DGKB: variants seen among roughly 807,000 people sequenced by gnomAD.
DGKB encodes the protein diacylglycerol kinase beta, also known as 90 kDa diacylglycerol kinase.
DGKB carries 67 observed loss-of-function variants against 114.3 expected under a neutral mutation model. That is an observed-to-expected ratio of 0.59 (90% CI 0.48 to 0.72). The LOEUF (loss-of-function observed/expected upper bound fraction) is 0.72. DGKB is among the 30% of genes least tolerant of loss of function. The probability of loss-of-function intolerance (pLI) is 0.00; values close to 1 mark genes in which losing one functional copy is unlikely to be tolerated. For missense variants in DGKB, 907 were observed against 975.2 expected, an observed-to-expected ratio of 0.93 and a Z score of 0.93; for synonymous variants, 398 against 323.1, an observed-to-expected ratio of 1.23 and a Z score of -2.49.
intron 23 of DGKB, among the ~76,000 whole-genome samples, chr7:14,241,965 C>T (rs754418200): frequency 0.1 from 14,194 of 140,672 alleles, 700 homozygotes; most frequent in African/African-American, 0.13. Flanking sequence ...TATACACACA[C>T]ACACACACAC....
At chr7:14,457,106 T>G (rs1242304191) in intron 21 of DGKB, among the ~76,000 whole-genome samples, 3 of 152,158 alleles carry the variant, frequency 2.0e-5, no homozygotes, top group Non-Finnish European at 4.4e-5. Flanking sequence ...TCAAATAAAG[T>G]CTTCAGTCAC....
At chr7:14,966,160 C>T (rs1192321299) in intron 1 of DGKB, among the ~76,000 whole-genome samples, 1 of 152,052 alleles carries the variant, frequency 6.6e-6, no homozygotes, top group Non-Finnish European at 1.5e-5. Flanking sequence ...TCCATGCTAA[C>T]AATTTCCTTC....
intron 17 of DGKB, among the ~76,000 whole-genome samples, chr7:14,590,754 T>C (rs901567859): frequency 6.6e-6 from 1 of 152,154 alleles, no homozygotes; most frequent in African/African-American, 2.4e-5. Flanking sequence ...ACGTGGTTTG[T>C]TGGGCTCTTT....
intron 20 of DGKB, among the ~76,000 whole-genome samples, chr7:14,480,513 C>G (rs1475163421): frequency 2.0e-5 from 3 of 152,078 alleles, no homozygotes; most frequent in African/African-American, 7.2e-5. Flanking sequence ...CTGCCAAAAT[C>G]TGCAACACTA....
intron 9 of DGKB, among the ~76,000 whole-genome samples, chr7:14,688,327 A>C (rs2128982531): frequency 6.6e-6 from 1 of 152,312 alleles, no homozygotes; most frequent in Admixed American, 6.5e-5. Flanking sequence ...AATGTGAATA[A>C]GCCATTTCAC....
At chr7:14,355,719 G>C (rs142695099) in intron 21 of DGKB, among the ~76,000 whole-genome samples, 37,874 of 152,094 alleles carry the variant, frequency 0.25, 6,150 homozygotes, top group Middle Eastern at 0.41. Context: ...CTTCATCAGG[G>C]ATATTGGTCT....
rs1554325441 is a variant in DGKB, at chr7:14,878,758, A to AC, written c.-188+23833_-188+23834insG. Among the ~76,000 whole-genome samples the AC allele has an allele frequency of 1.2e-4, 18 of 147,788 alleles. No homozygotes were observed. In the East Asian group the frequency reaches 2.1e-3, roughly 18 times the overall value. ...CGTGAGACTCCGTCTCAAAAAACAA[A>AC]AAAAAAAAAACAAAAAAAAAAAACC... is the stretch of plus-strand genomic sequence containing the variant. On this transcript the variant is annotated intron_variant, in intron 1 of 25. Coordinates refer to ENST00000402815, the MANE Select transcript of DGKB (RefSeq NM_001350709.2).
At chr7:14,257,041 A>C (rs1193539812) in intron 23 of DGKB, among the ~76,000 whole-genome samples, 2 of 152,032 alleles carry the variant, frequency 1.3e-5, no homozygotes, top group Non-Finnish European at 2.9e-5. Context: ...CATACTCTTG[A>C]AGTTCTAGCT....
At chr7:14,430,929 A>G (rs369415860) in intron 21 of DGKB, among the ~76,000 whole-genome samples, 5 of 152,152 alleles carry the variant, frequency 3.3e-5, no homozygotes, top group East Asian at 1.9e-4. Context: ...GATTTGTTCT[A>G]TTCTGCATAG....
At position 14,228,336 on chromosome 7, in the gene DGKB, C is replaced by A. The variant is rs372068915; in HGVS notation, c.2123-50185G>T. ...TGGACATGCTCTGGCACATAGGCCA[C>A]CTCCCACTGCAACCAGTTCTAAATT... On this transcript the variant is annotated intron_variant, in intron 23 of 25. Transcript: ENST00000402815. Among the ~76,000 whole-genome samples, 15 of 152,060 alleles carry A rather than the reference C, an allele frequency of 9.9e-5. 1 individual carries two copies. The South Asian group carries it at 2.9e-3, about 29-fold the overall frequency.
At chr7:14,806,205 A>C (rs571930577) in intron 2 of DGKB, among the ~76,000 whole-genome samples, 1 of 152,044 alleles carries the variant, frequency 6.6e-6, no homozygotes, top group East Asian at 1.9e-4. Context: ...CCTAACTTTC[A>C]CTCAAAGTGC....
In DGKB at chr7:14,274,496, C is replaced by A. The variant is rs144469751; in HGVS notation, c.2122+64019G>T. The stretch of plus-strand genomic sequence containing the variant: ...TTTATATTATCTTTATCACTTGATA[C>A]CTTTCCGCATTAACATCAGACTTAT... On this transcript the variant is annotated intron_variant, in intron 23 of 25. Coordinates refer to ENST00000402815, the MANE Select transcript of DGKB (RefSeq NM_001350709.2). 4.1e-4 allele frequency among the ~76,000 whole-genome samples: 62 copies of A among 152,194 alleles called. 1 individual carries two copies. In the East Asian group the frequency reaches 0.01, roughly 26 times the overall value.
intron 6 of DGKB, among the ~76,000 whole-genome samples, chr7:14,707,359 T>A (rs1000323277): frequency 1.3e-5 from 2 of 149,876 alleles, no homozygotes; most frequent in Non-Finnish European, 3.0e-5. Context: ...CAGGGCCAGA[T>A]GGATTCACAG....
chr7:14,670,570 G>T lies in DGKB; in HGVS notation c.1134+2359C>A, dbSNP rs551190297. Among the ~76,000 whole-genome samples the T allele has an allele frequency of 2.0e-5, 3 of 152,086 alleles. No individual in the cohort carries two copies. In the South Asian group the frequency reaches 6.2e-4, roughly 32 times the overall value. ...TCCACCCACCTCGACCCCCCAAAAT[G>T]CAGGGATTACAGGCGTGAGCCACCA... On this transcript the variant is annotated intron_variant, in intron 13 of 25. Transcript: ENST00000402815.
At chr7:14,628,245 T>G (rs1297291282) in intron 14 of DGKB, among the ~76,000 whole-genome samples, 1 of 151,792 alleles carries the variant, frequency 6.6e-6, no homozygotes, top group Non-Finnish European at 1.5e-5. Flanking sequence ...GAATACAAAA[T>G]GAAAGAGTCA....
At chr7:14,465,780 C>A (rs548872558) in intron 21 of DGKB, among the ~76,000 whole-genome samples, 2 of 152,064 alleles carry the variant, frequency 1.3e-5, no homozygotes, top group African/African-American at 4.8e-5. Flanking sequence ...ATTGAGGAGA[C>A]CCAAGCATGA....
chr7:14,175,973 T>A (rs1046395366), intron 25 of DGKB: 1 of 149,164 alleles, frequency 6.7e-6, no homozygotes, highest in African/African-American at 2.5e-5. Context: ...CCCAGCTAAG[T>A]TTTTTTTTTA....
chr7:14,437,799 C>T (rs576558874), intron 21 of DGKB, among the ~76,000 whole-genome samples: 9 of 149,878 alleles, frequency 6.0e-5, no homozygotes, highest in African/African-American at 2.2e-4. Context: ...CTCGTAAGCC[C>T]TTCTTAGGAA....
At chr7:14,606,826 A>G (rs749439097) in intron 17 of DGKB, among the ~76,000 whole-genome samples, 3 of 152,090 alleles carry the variant, frequency 2.0e-5, no homozygotes, top group Non-Finnish European at 2.9e-5. Flanking sequence ...ACCTGTTAAC[A>G]ATGAAGTATA....
Sources: gnomAD v4.1 joint callset for allele counts (sites outside exome capture counted in the v4.1 genomes callset) on GRCh38, gnomAD v4.1.1 for gene constraint, MANE v1.5 for transcripts, NCBI Gene and HGNC (gene_info 2026-07-23, HGNC 2026-07-21) for gene names.